The following YPEL2 variants were observed in gnomAD, a reference collection of about 807,000 sequenced individuals.
The protein encoded by YPEL2 is protein yippee-like 2.
YPEL2 carries 2 observed loss-of-function variants against 19.1 expected under a neutral mutation model. That is an observed-to-expected ratio of 0.10 (90% confidence interval 0.04 to 0.33). The LOEUF (loss-of-function observed/expected upper bound fraction) is 0.33. Ranked by LOEUF, YPEL2 falls within the 10% of genes least tolerant of loss-of-function variation. The pLI, the probability that YPEL2 is intolerant of heterozygous loss-of-function variation, is 1.00. For synonymous variants in YPEL2, 52 were observed against 50.0 expected, an observed-to-expected ratio of 1.04 and a Z score of -0.17; for missense variants, 66 against 140.7, an observed-to-expected ratio of 0.47 and a Z score of 2.68.
intron 1 of YPEL2, among the ~76,000 whole-genome samples, chr17:59,340,109 C>T (rs375101655): frequency 1.4e-5 from 2 of 141,426 alleles, no homozygotes; most frequent in East Asian, 4.1e-4. Context: ...TTTTGTGGAA[C>T]TTTTTTTTTT....
chr17:59,382,553 A>T (rs2047954949), intron 2 of YPEL2, among the ~76,000 whole-genome samples: 1 of 152,256 alleles, frequency 6.6e-6, no homozygotes, highest in Admixed American at 6.5e-5. Flanking sequence ...GTACTTATTT[A>T]TGAATTACAT....
chr17:59,347,407 A>G (rs1410572271), intron 1 of YPEL2, among the ~76,000 whole-genome samples: 1 of 152,200 alleles, frequency 6.6e-6, no homozygotes, highest in Admixed American at 6.5e-5. Context: ...GATTACCGAC[A>G]TGAACCACTG....
chr17:59,381,959 C>T (rs774342849), intron 2 of YPEL2, among the ~76,000 whole-genome samples: 1 of 152,166 alleles, frequency 6.6e-6, no homozygotes, highest in Non-Finnish European at 1.5e-5. Context: ...CTCTCCAGGC[C>T]GTGCCAGGTT....
intron 2 of YPEL2, among the ~76,000 whole-genome samples, chr17:59,370,491 T>C (rs2047891514): frequency 6.6e-6 from 1 of 152,220 alleles, no homozygotes; most frequent in Non-Finnish European, 1.5e-5. Flanking sequence ...GGCTAGAATG[T>C]AAATTCAGGC....
chr17:59,391,529 T>C (rs535759219), intron 4 of YPEL2, among the ~76,000 whole-genome samples: 1 of 151,436 alleles, frequency 6.6e-6, no homozygotes, highest in African/African-American at 2.4e-5. Flanking sequence ...AAAAAAAAAA[T>C]TGTCCCAGGT....
intron 2 of YPEL2, among the ~76,000 whole-genome samples, chr17:59,378,997 G>A (rs966436768): frequency 3.3e-5 from 5 of 152,180 alleles, no homozygotes; most frequent in Admixed American, 3.3e-4. Flanking sequence ...CTTTACTGGT[G>A]ACCTATGTCC....
intron 1 of YPEL2, among the ~76,000 whole-genome samples, chr17:59,332,645 C>T (rs1161878143): frequency 6.6e-6 from 1 of 152,186 alleles, no homozygotes; most frequent in Non-Finnish European, 1.5e-5. Context: ...GACACCTGTT[C>T]TTCTGGACTT....
intron 1 of YPEL2, among the ~76,000 whole-genome samples, chr17:59,335,023 A>G (rs538793563): frequency 6.6e-6 from 1 of 152,368 alleles, no homozygotes; most frequent in African/African-American, 2.4e-5. Context: ...CAGGCAAACC[A>G]CTAGGTGCTC....
At chr17:59,345,400 A>T (rs982593315) in intron 1 of YPEL2, 2 of 152,142 alleles carry the variant, frequency 1.3e-5, no homozygotes, top group African/African-American at 4.8e-5. Context: ...GCTGTAAAAG[A>T]GGTGTCTAGA....
chr17:59,360,127 A>C (rs13380861), intron 2 of YPEL2, among the ~76,000 whole-genome samples: 3 of 152,108 alleles, frequency 2.0e-5, no homozygotes, highest in African/African-American at 7.2e-5. Flanking sequence ...CCCAGGCTGG[A>C]GTGCAGTGGC....
chr17:59,335,630 C>T (rs1433937231), intron 1 of YPEL2, among the ~76,000 whole-genome samples: 2 of 152,104 alleles, frequency 1.3e-5, no homozygotes, highest in African/African-American at 4.8e-5. Flanking sequence ...CTCACTGCAA[C>T]CTCTGCCTCC....
intron 2 of YPEL2, among the ~76,000 whole-genome samples, chr17:59,357,061 A>G (rs2047816499): frequency 1.3e-5 from 2 of 152,190 alleles, no homozygotes; most frequent in South Asian, 4.1e-4. Flanking sequence ...TGGAGTGGGC[A>G]TGCCTCACTG....
rs543303774 is a variant in YPEL2 at position 59,400,200 on chromosome 17, C to T, written c.*3010C>T. On this transcript the variant is annotated 3_prime_UTR_variant, in exon 5 of 5. Coordinates refer to ENST00000312655, the MANE Select transcript of YPEL2 (RefSeq NM_001005404.4). ...CAGCTGAACCTGACTGAGTGTTCTT[C>T]CTGAGTTCACGAGGATAGGCTAGAG... 2.0e-5 allele frequency: 3 copies of T among 152,714 alleles called. No homozygotes were observed. In the South Asian group the frequency reaches 6.2e-4, roughly 32 times the overall value. The allele number at this position is 152,714 out of a possible 1,614,324, so 9.5% of individuals were successfully genotyped here.
intron 1 of YPEL2, among the ~76,000 whole-genome samples, chr17:59,350,391 C>T (rs1380442474): frequency 6.6e-6 from 1 of 152,046 alleles, no homozygotes; most frequent in Non-Finnish European, 1.5e-5. Flanking sequence ...GAAAGGAGTC[C>T]CTCTCTAGGA....
intron 1 of YPEL2, among the ~76,000 whole-genome samples, chr17:59,333,631 A>G (rs896430136): frequency 6.6e-6 from 1 of 152,100 alleles, no homozygotes; most frequent in Non-Finnish European, 1.5e-5. Context: ...TACTTCATTT[A>G]AAAAAATCAA....
chr17:59,392,738 T>A (rs967696721), intron 4 of YPEL2, among the ~76,000 whole-genome samples: 12 of 152,090 alleles, frequency 7.9e-5, no homozygotes, highest in Non-Finnish European at 1.2e-4. Flanking sequence ...GGTCTCGAAC[T>A]CCTCACCTCG....
intron 4 of YPEL2, among the ~76,000 whole-genome samples, chr17:59,395,238 C>CAG (rs3063118): frequency 0.62 from 94,915 of 151,908 alleles, 31,635 homozygotes; most frequent in African/African-American, 0.86. Context: ...TGCACAGAGA[C>CAG]GGAATAATGA....
chr17:59,374,336 G>A (rs929696102), intron 2 of YPEL2, among the ~76,000 whole-genome samples: 24 of 152,132 alleles, frequency 1.6e-4, no homozygotes, highest in African/African-American at 5.6e-4. Context: ...AAGGCTCTTT[G>A]GCTAGGAGTT....
intron 1 of YPEL2, among the ~76,000 whole-genome samples, chr17:59,351,966 G>A (rs1301806503): frequency 6.6e-6 from 1 of 152,134 alleles, no homozygotes; most frequent in African/African-American, 2.4e-5. Flanking sequence ...TGACTGTTTT[G>A]GTGGGAAGGA....
Sources: allele counts gnomAD v4.1 joint callset (sites outside exome capture counted in the v4.1 genomes callset), GRCh38; gene constraint gnomAD v4.1.1; transcripts MANE v1.5; gene names NCBI Gene and HGNC (gene_info 2026-07-23, HGNC 2026-07-21).